The following RAB27B variants were observed in gnomAD, a reference collection of about 807,000 sequenced individuals.
RAB27B encodes RAB27B, member RAS oncogene family.
In RAB27B, 15 loss-of-function variants were observed where a neutral mutation model predicts 24.6. That is an observed-to-expected ratio of 0.61 (90% CI 0.41 to 0.94). The LOEUF (loss-of-function observed/expected upper bound fraction) is 0.94, where lower values mean the gene tolerates loss of function less well. RAB27B is among the 40% of genes least tolerant of loss of function. The probability of loss-of-function intolerance (pLI) is 0.00; values close to 1 mark genes in which losing one functional copy is unlikely to be tolerated. For missense variants in RAB27B, 261 were observed against 266.8 expected, an observed-to-expected ratio of 0.98 and a Z score of 0.15; for synonymous variants, 105 against 92.5, an observed-to-expected ratio of 1.14 and a Z score of -0.78.
Position 54,807,056 on chromosome 18 carries a change from A to G in RAB27B, c.-19-70511A>G, listed in dbSNP as rs372004142. Among the ~76,000 whole-genome samples, 8 of 152,226 alleles carry G rather than the reference A, an allele frequency of 5.3e-5. No individual in the cohort carries two copies. In the East Asian group the frequency reaches 7.7e-4, roughly 15 times the overall value. ...GCTGGGACTACAGGTGCACGCCACC[A>G]CACTCAGCTAATTTTTGTATTTCTA... is the stretch of plus-strand genomic sequence containing the variant. On this transcript the variant is annotated intron_variant, in intron 2 of 4. Transcript: ENST00000586570.
chr18:54,879,218 A>T (rs1912823505), intron 2 of RAB27B, 151 bp from the exon 3 acceptor site: 3 of 633,152 alleles, frequency 4.7e-6, no homozygotes, highest in Non-Finnish European at 8.4e-6. Context: ...AGTACATGTG[A>T]TAATTCTGGA....
Position 54,892,453 on chromosome 18 carries a change from G to C in RAB27B, c.*3040G>C, listed in dbSNP as rs1338598178. ...CTGGAGAGTTTAACTGCCTTCTCTT[G>C]GTCTCCTCACTTACTTCTTATGAAG... On this transcript the variant is annotated 3_prime_UTR_variant, in exon 6 of 6. Transcript: ENST00000262094. 1 of 151,938 alleles carries C rather than the reference G, an allele frequency of 6.6e-6. No individual in the cohort carries two copies. Among genetic ancestry groups the C allele is most frequent in the Non-Finnish European group, 1.5e-5 (1 of 67,938 alleles). 9.4% of individuals were successfully genotyped at this position (151,938 alleles called of 1,614,324 possible).
intron 1 of RAB27B, among the ~76,000 whole-genome samples, chr18:54,843,522 G>A (rs1016475783): frequency 6.6e-6 from 1 of 152,136 alleles, no homozygotes; most frequent in Non-Finnish European, 1.5e-5. Flanking sequence ...GTGACTAAGG[G>A]TGATATTAAA....
chr18:54,798,779 ATTAT>A (rs1465592213), intron 2 of RAB27B, among the ~76,000 whole-genome samples: 8 of 152,236 alleles, frequency 5.3e-5, no homozygotes, highest in African/African-American at 1.7e-4. Flanking sequence ...ACTAAATACA[ATTAT>A]TTATTTATGA....
chr18:54,808,405 T>C (rs553420318), intron 2 of RAB27B, among the ~76,000 whole-genome samples: 9 of 152,214 alleles, frequency 5.9e-5, no homozygotes, highest in African/African-American at 2.2e-4. Context: ...ACATCACTTA[T>C]GCACATATTT....
At chr18:54,735,635 C>G (rs1394543672) in intron 2 of RAB27B, among the ~76,000 whole-genome samples, 1 of 152,138 alleles carries the variant, frequency 6.6e-6, no homozygotes, top group Admixed American at 6.6e-5. Context: ...GCTGCAGCCT[C>G]CTGAGTAGCT....
At chr18:54,743,028 T>C (rs983659871) in intron 2 of RAB27B, among the ~76,000 whole-genome samples, 1 of 152,194 alleles carries the variant, frequency 6.6e-6, no homozygotes, top group Non-Finnish European at 1.5e-5. Context: ...CAAGCCTAGA[T>C]AGAAACAGAG....
intron 2 of RAB27B, among the ~76,000 whole-genome samples, chr18:54,817,913 C>T (rs1195297819): frequency 6.6e-6 from 1 of 151,940 alleles, no homozygotes; most frequent in Admixed American, 6.6e-5. Context: ...TTCACTCTTC[C>T]ATCACATTAT....
rs1226058106 is a variant in RAB27B, at chr18:54,782,738, T to G, written c.-20+64597T>G. On this transcript the variant is annotated intron_variant, in intron 2 of 4. Coordinates refer to the RAB27B transcript ENST00000586570. ...TTCTGAATTGGAGTGAAGATGACCC[T>G]TGTACAATTTTAGAAAATCATGGTA... is the stretch of plus-strand genomic sequence containing the variant. Among the ~76,000 whole-genome samples, 4 of 152,326 alleles carry G rather than the reference T, an allele frequency of 2.6e-5. No individual in the cohort carries two copies. The East Asian group carries it at 7.7e-4, about 29-fold the overall frequency.
intron 2 of RAB27B, among the ~76,000 whole-genome samples, chr18:54,752,603 T>C (rs955262263): frequency 3.9e-5 from 6 of 152,196 alleles, no homozygotes; most frequent in East Asian, 1.9e-4. Context: ...AAAGGTTTTC[T>C]ATTTGGGGTT....
chr18:54,816,441 G>A (rs373634095), intron 2 of RAB27B, among the ~76,000 whole-genome samples: 14 of 152,292 alleles, frequency 9.2e-5, no homozygotes, highest in East Asian at 1.9e-4. Flanking sequence ...GTGCCAAGAC[G>A]ACTGAGGGAT....
intron 2 of RAB27B, among the ~76,000 whole-genome samples, chr18:54,797,257 A>G (rs4552094): frequency 0.95 from 145,258 of 152,328 alleles, 69,672 homozygotes; most frequent in East Asian, 1. Flanking sequence ...CTGTAAGAGT[A>G]GCTTATAGGC....
At chr18:54,769,449 G>GTT in intron 2 of RAB27B, among the ~76,000 whole-genome samples, 1 of 99,926 alleles carries the variant, frequency 1.0e-5, no homozygotes, top group East Asian at 3.3e-4. Context: ...TGTCCATCTT[G>GTT]TTTTTTTGTT....
Position 54,891,107 on chromosome 18 carries a change from T to C in RAB27B, c.*1694T>C, listed in dbSNP as rs1913351061. ...ATATTTTTTGTGAAGTTATACACAT[T>C]GAAGACCCTAAAAATCCCAGTCCAT... On this transcript the variant is annotated 3_prime_UTR_variant, in exon 6 of 6. Transcript: ENST00000262094. The C allele has an allele frequency of 6.6e-6, 1 of 151,948 alleles. No individual in the cohort carries two copies. The highest frequency in any genetic ancestry group is 1.5e-5 in the Non-Finnish European group (1 of 67,972). The allele number at this position is 151,948 out of a possible 1,614,324, so 9.4% of individuals were successfully genotyped here.
At chr18:54,806,798 T>C (rs1405722980) in intron 2 of RAB27B, among the ~76,000 whole-genome samples, 1 of 152,086 alleles carries the variant, frequency 6.6e-6, no homozygotes, top group African/African-American at 2.4e-5. Flanking sequence ...AAGAATTATA[T>C]CAATACCAAC....
intron 2 of RAB27B, among the ~76,000 whole-genome samples, chr18:54,793,312 C>T (rs1262168200): frequency 6.6e-6 from 1 of 152,166 alleles, no homozygotes; most frequent in Non-Finnish European, 1.5e-5. Flanking sequence ...TACTAGCAAA[C>T]CGACTTAGGG....
At chr18:54,792,241 C>T (rs12962587) in intron 2 of RAB27B, among the ~76,000 whole-genome samples, 23,306 of 152,110 alleles carry the variant, frequency 0.15, 2,297 homozygotes, top group East Asian at 0.33. Context: ...TGTCTGTGTG[C>T]TCCCCTAGAG....
intron 3 of RAB27B, 100 bp downstream of exon 3, chr18:54,879,554 T>C (rs1383601717): frequency 1.1e-6 from 1 of 951,880 alleles, no homozygotes; most frequent in Non-Finnish European, 1.7e-6. Context: ...AATATTCAAC[T>C]CTTCTCCTGG....
chr18:54,876,777 CT>C (rs1912721088), intron 1 of RAB27B, among the ~76,000 whole-genome samples: 1 of 152,088 alleles, frequency 6.6e-6, no homozygotes, highest in African/African-American at 2.4e-5. Context: ...TATCCCTCTG[CT>C]TTTTTATTCC....
Sources: allele counts gnomAD v4.1 joint callset (sites outside exome capture counted in the v4.1 genomes callset), GRCh38; gene constraint gnomAD v4.1.1; transcripts MANE v1.5; gene names NCBI Gene and HGNC (gene_info 2026-07-23, HGNC 2026-07-21).